BDP1: variants seen among roughly 807,000 people sequenced by gnomAD.
The protein encoded by BDP1 is BDP1 general transcription factor IIIB subunit.
A neutral mutation model predicts 266.6 loss-of-function variants in BDP1; 169 were observed. The ratio of observed to expected loss-of-function variants is 0.63; its 90% confidence interval spans 0.56 to 0.72. The LOEUF (loss-of-function observed/expected upper bound fraction) is 0.72. Ranked by LOEUF, BDP1 falls within the 30% of genes least tolerant of loss-of-function variation. The probability of loss-of-function intolerance (pLI) is 0.00; values close to 1 mark genes in which losing one functional copy is unlikely to be tolerated. For synonymous variants in BDP1, 1,090 were observed against 1,022.4 expected (o/e 1.07, Z -1.26); for missense variants, 3,015 against 3,053.8 (o/e 0.99, Z 0.30).
chr5:71,457,010 A>G (rs1296855473), intron 1 of BDP1, among the ~76,000 whole-genome samples: 3 of 152,174 alleles, frequency 2.0e-5, no homozygotes, highest in African/African-American at 4.8e-5. Flanking sequence ...TGTTACGTTG[A>G]TAGTTCAGTG....
chr5:71,476,403 GCA>G (rs1762588206), intron 7 of BDP1: 1 of 152,172 alleles, frequency 6.6e-6, no homozygotes, highest in Admixed American at 6.5e-5. Context: ...TTGAATGCAG[GCA>G]CTTCTGCTGG....
chr5:71,481,387 C>CAA (rs1554112601), intron 7 of BDP1, among the ~76,000 whole-genome samples: 2 of 29,166 alleles, frequency 6.9e-5, no homozygotes, highest in Admixed American at 5.7e-4. Flanking sequence ...CCCATCTCTA[C>CAA]AAAGAAAAAA....
chr5:71,526,114 C>T (rs1765852861), intron 25 of BDP1, among the ~76,000 whole-genome samples: 1 of 152,210 alleles, frequency 6.6e-6, no homozygotes, highest in Non-Finnish European at 1.5e-5. Flanking sequence ...TTGTAGCGAG[C>T]CGAGATCACG....
the BDP1 span, among the ~76,000 whole-genome samples, chr5:71,575,314 A>G: frequency 5.3e-5 from 8 of 152,330 alleles, no homozygotes; most frequent in Non-Finnish European, 8.8e-5. Context: ...GAGGTCATTG[A>G]TATTTCTTCT....
intron 37 of BDP1, among the ~76,000 whole-genome samples, chr5:71,560,988 A>G (rs1431288897): frequency 1.3e-5 from 2 of 152,194 alleles, no homozygotes; most frequent in Admixed American, 6.5e-5. Flanking sequence ...GCACATGCCT[A>G]TAATCCCAGC....
downstream of BDP1, among the ~76,000 whole-genome samples, chr5:71,571,947 T>A (rs1205568105): frequency 5.3e-5 from 8 of 152,160 alleles, no homozygotes; most frequent in Admixed American, 2.0e-4. Context: ...AGCATTCCAC[T>A]GGAGGCTACA....
chr5:71,552,434 C>A (rs760875567), intron 34 of BDP1, among the ~76,000 whole-genome samples: 32 of 152,280 alleles, frequency 2.1e-4, no homozygotes, highest in Non-Finnish European at 4.7e-4. Context: ...CAGGCAGAGG[C>A]TGCAATCTCG....
rs1262608634 is a variant in BDP1 at position 71,474,275 on chromosome 5, T to A, written c.1014+3786T>A. Among the ~76,000 whole-genome samples, 4 of 151,732 alleles carry A rather than the reference T, an allele frequency of 2.6e-5. No homozygotes were observed. The East Asian group carries it at 7.8e-4, about 30-fold the overall frequency. The stretch of plus-strand genomic sequence containing the variant: ...GATTACAGGCATGAGCCACCGTGCC[T>A]GGCCTGTACATTTCCTTTTAAGCAT... On this transcript the variant is annotated intron_variant, in intron 7 of 38. Transcript: ENST00000358731.
At chr5:71,534,393 T>A (rs1351403205) in intron 26 of BDP1, among the ~76,000 whole-genome samples, 1 of 152,214 alleles carries the variant, frequency 6.6e-6, no homozygotes, top group Non-Finnish European at 1.5e-5. Context: ...CAGCTGACCA[T>A]AGATGTATGG....
intron 25 of BDP1, 146 bp downstream of exon 25, chr5:71,524,469 G>GTAGA: frequency 5.4e-6 from 5 of 931,776 alleles, no homozygotes; most frequent in Non-Finnish European, 7.7e-6. Flanking sequence ...ATATAATTTG[G>GTAGA]GGCCTTGTAT....
chr5:71,537,829 T>A (rs559471800), intron 26 of BDP1: 1 of 160,732 alleles, frequency 6.2e-6, no homozygotes, highest in East Asian at 1.9e-4. Context: ...GCTGAGCTGA[T>A]CTTCCTCTTG....
intron 25 of BDP1, among the ~76,000 whole-genome samples, chr5:71,531,801 G>A (rs148878670): frequency 0.018 from 2,665 of 152,250 alleles, 86 homozygotes; most frequent in African/African-American, 0.061. Flanking sequence ...GAGCCACTGC[G>A]CCTGGCCCGA....
chr5:71,562,634 A>G (rs1743757835), intron 38 of BDP1, 114 bp downstream of exon 38: 1 of 1,487,274 alleles, frequency 6.7e-7, no homozygotes, highest in Non-Finnish European at 9.1e-7. Flanking sequence ...ATTATTTTAG[A>G]GCAACTCCCA....
At chr5:71,506,512 C>G (rs953292950) in intron 16 of BDP1, among the ~76,000 whole-genome samples, 2 of 152,010 alleles carry the variant, frequency 1.3e-5, no homozygotes, top group Non-Finnish European at 2.9e-5. Flanking sequence ...CATGGTGACT[C>G]ACACCTATAA....
At chr5:71,576,646 T>C in the BDP1 span, among the ~76,000 whole-genome samples, 2 of 152,166 alleles carry the variant, frequency 1.3e-5, no homozygotes, top group African/African-American at 4.8e-5. Flanking sequence ...ACATTGTGGA[T>C]TGGGGACCTA....
chr5:71,542,090 A>G lies in BDP1; in HGVS notation c.6252-15A>G, dbSNP rs750073499. ...TCTAACATGATTCATGAATTTCTCTATCTTCTGTTTTTAGGAATACAATTT... is the reference window on the plus strand; with the variant it reads ...TCTAACATGATTCATGAATTTCTCTGTCTTCTGTTTTTAGGAATACAATTT... On this transcript the variant is annotated splice_polypyrimidine_tract_variant and intron_variant, in intron 29 of 38. Coordinates refer to ENST00000358731, the MANE Select transcript of BDP1 (RefSeq NM_018429.3). 3 of 1,590,464 alleles carry G rather than the reference A, an allele frequency of 1.9e-6. No homozygotes were observed. Among genetic ancestry groups the G allele is most frequent in the Admixed American group, 1.8e-5 (1 of 56,242 alleles).
intron 16 of BDP1, among the ~76,000 whole-genome samples, chr5:71,506,980 C>G (rs1195759796): frequency 1.3e-5 from 2 of 152,008 alleles, no homozygotes; most frequent in South Asian, 2.1e-4. Context: ...GCCACCACAT[C>G]TGGCTAATTT....
At chr5:71,546,871 A>T (rs1373813044) in intron 32 of BDP1, among the ~76,000 whole-genome samples, 1 of 151,916 alleles carries the variant, frequency 6.6e-6, no homozygotes, top group African/African-American at 2.4e-5. Context: ...TTTGAGACAG[A>T]GTCTTACTCT....
chr5:71,504,845 T>C, intron 16 of BDP1, 94 bp downstream of exon 16: 1 of 1,201,340 alleles, frequency 8.3e-7, no homozygotes, highest in Non-Finnish European at 1.2e-6. Flanking sequence ...TTAGATGGAT[T>C]TGTTGTCTGC....
Sources: gnomAD v4.1 joint callset for allele counts (sites outside exome capture counted in the v4.1 genomes callset) on GRCh38, gnomAD v4.1.1 for gene constraint, MANE v1.5 for transcripts, NCBI Gene and HGNC (gene_info 2026-07-23, HGNC 2026-07-21) for gene names.